The following CNBD1 variants were observed in gnomAD, a reference collection of about 807,000 sequenced individuals.
The protein encoded by CNBD1 is cyclic nucleotide-binding domain-containing protein 1.
CNBD1 carries 71 observed loss-of-function variants against 54.4 expected under a neutral mutation model. That is an observed-to-expected ratio of 1.30 (90% confidence interval 1.08 to 1.59). The LOEUF (loss-of-function observed/expected upper bound fraction) is 1.59. CNBD1 is among the 40% of genes most tolerant of loss of function. The probability of loss-of-function intolerance (pLI) is 0.00; values close to 1 mark genes in which losing one functional copy is unlikely to be tolerated. For synonymous variants in CNBD1, 182 were observed against 170.7 expected (o/e 1.07, Z -0.51); for missense variants, 659 against 518.0 (o/e 1.27, Z -2.64).
chr8:87,078,302 T>C (rs1810917107), intron 4 of CNBD1, among the ~76,000 whole-genome samples: 1 of 152,256 alleles, frequency 6.6e-6, no homozygotes, highest in South Asian at 2.1e-4. Flanking sequence ...TCTGCAATTT[T>C]ACTTTCCTGG....
intron 4 of CNBD1, among the ~76,000 whole-genome samples, chr8:86,948,697 C>A (rs977648605): frequency 6.6e-6 from 1 of 152,086 alleles, no homozygotes. Flanking sequence ...ATATTTTCCC[C>A]CATTCTGTTG....
chr8:87,129,566 C>G (rs566501287), intron 4 of CNBD1, among the ~76,000 whole-genome samples: 1 of 152,050 alleles, frequency 6.6e-6, no homozygotes, highest in South Asian at 2.1e-4. Context: ...TTTAGGTTAT[C>G]TGTTTTCTAT....
chr8:87,378,655 A>G (rs1811002169), intron 10 of CNBD1, among the ~76,000 whole-genome samples: 1 of 149,956 alleles, frequency 6.7e-6, no homozygotes, highest in Non-Finnish European at 1.5e-5. Flanking sequence ...TTGGTTCCAT[A>G]TGAACTTTAA....
At chr8:87,319,385 G>C (rs1342861172) in intron 8 of CNBD1, among the ~76,000 whole-genome samples, 1 of 152,078 alleles carries the variant, frequency 6.6e-6, no homozygotes, top group Non-Finnish European at 1.5e-5. Context: ...GCCTATAGCA[G>C]TAATAAAACC....
chr8:86,962,752 C>G (rs969684247), intron 4 of CNBD1, among the ~76,000 whole-genome samples: 2 of 151,880 alleles, frequency 1.3e-5, no homozygotes, highest in Admixed American at 1.3e-4. Context: ...TGCCACGACA[C>G]TCCAGCCTGG....
rs1404516979 is a variant in CNBD1, at chr8:87,204,183, A to AGAT, written c.432-1808_432-1806dup. Among the ~76,000 whole-genome samples the AGAT allele has an allele frequency of 3.3e-5, 5 of 152,320 alleles. No homozygotes were observed. The East Asian group carries it at 9.7e-4, about 29-fold the overall frequency. On this transcript the variant is annotated intron_variant, in intron 4 of 10. Coordinates refer to ENST00000518476, the MANE Select transcript of CNBD1 (RefSeq NM_173538.3). ...ATAATATTAGGTATTTCAGTGGTAC[A>AGAT]GATGCTTCAAAAACATAACAGAATT...
chr8:87,408,903 ACTCC>A (rs759080584), intron 2 of CNBD1, among the ~76,000 whole-genome samples: 1 of 151,416 alleles, frequency 6.6e-6, no homozygotes, highest in Non-Finnish European at 1.5e-5. Flanking sequence ...ATGTGTTTTG[ACTCC>A]CTCACCAGTT....
rs187713188 is a variant in CNBD1 at position 87,166,593 on chromosome 8, C to T, written c.432-39400C>T. ...TGGCCCAGCTCAGTTTCTCAATGTTCATTATTTCCAAAGTCCAGCCCTTCT... is the reference window on the plus strand; with the variant it reads ...TGGCCCAGCTCAGTTTCTCAATGTTTATTATTTCCAAAGTCCAGCCCTTCT... On this transcript the variant is annotated intron_variant, in intron 4 of 10. Coordinates refer to ENST00000518476, the MANE Select transcript of CNBD1 (RefSeq NM_173538.3). The surrounding 1 kb of genome is among the most constrained non-coding windows in gnomAD (Gnocchi z 4.3). 8.9e-4 allele frequency among the ~76,000 whole-genome samples: 136 copies of T among 152,060 alleles called. No individual in the cohort carries two copies. The highest frequency in any genetic ancestry group is 3.0e-3 in the African/African-American group (125 of 41,520).
chr8:86,957,361 A>G (rs1807805498), intron 4 of CNBD1, among the ~76,000 whole-genome samples: 1 of 152,056 alleles, frequency 6.6e-6, no homozygotes, highest in South Asian at 2.1e-4. Flanking sequence ...GTTAGGGAGG[A>G]TTCCCTCTTT....
intron 4 of CNBD1, among the ~76,000 whole-genome samples, chr8:87,063,703 A>C (rs943378353): frequency 1.3e-5 from 2 of 151,990 alleles, no homozygotes; most frequent in African/African-American, 2.4e-5. Flanking sequence ...ATTTGAGGAA[A>C]ATTGACATAT....
chr8:86,962,066 C>T (rs1807942138), intron 4 of CNBD1, among the ~76,000 whole-genome samples: 1 of 152,164 alleles, frequency 6.6e-6, no homozygotes, highest in Admixed American at 6.5e-5. Flanking sequence ...GAGAGGGATA[C>T]ATCCACTTGT....
At chr8:87,401,713 T>C (rs1310558467) in intron 2 of CNBD1, among the ~76,000 whole-genome samples, 1 of 152,000 alleles carries the variant, frequency 6.6e-6, no homozygotes, top group Non-Finnish European at 1.5e-5. Flanking sequence ...TTTTATTTGG[T>C]AAGATGTTAA....
intron 8 of CNBD1, among the ~76,000 whole-genome samples, chr8:87,323,945 T>C (rs994812165): frequency 7.2e-6 from 1 of 138,914 alleles, no homozygotes; most frequent in African/African-American, 2.7e-5. Flanking sequence ...GGGTTTGCCA[T>C]AGATAGCTCT....
At chr8:87,402,355 T>C (rs1011896116) in intron 2 of CNBD1, among the ~76,000 whole-genome samples, 3 of 152,012 alleles carry the variant, frequency 2.0e-5, no homozygotes, top group Non-Finnish European at 4.4e-5. Flanking sequence ...CAGGAAGCAT[T>C]CTTTTTCACT....
rs1167555584 is a variant in CNBD1 at position 87,325,139 on chromosome 8, C to T, written c.1043-26546C>T. On this transcript the variant is annotated intron_variant, in intron 8 of 10. Coordinates refer to ENST00000518476, the MANE Select transcript of CNBD1 (RefSeq NM_173538.3). The stretch of plus-strand genomic sequence containing the variant: ...TGAGTGAGATTCTTAATCCTGAGTT[C>T]TAGTTTGATTTCACTGTGGTCTGAG... Among the ~76,000 whole-genome samples the T allele has an allele frequency of 7.4e-5, 7 of 95,070 alleles. 2 individuals carry two copies. The highest frequency in any genetic ancestry group is 3.2e-4 in the African/African-American group (5 of 15,632). The allele number at this position is 95,070 out of a possible 152,430, so 62.4% of individuals were successfully genotyped here.
At chr8:87,038,269 T>C (rs1809990915) in intron 4 of CNBD1, among the ~76,000 whole-genome samples, 1 of 152,212 alleles carries the variant, frequency 6.6e-6, no homozygotes, top group South Asian at 2.1e-4. Flanking sequence ...TATAACCTCC[T>C]GATGGCTTCT....
At chr8:87,081,505 G>GT (rs1563460969) in intron 4 of CNBD1, among the ~76,000 whole-genome samples, 3 of 140,332 alleles carry the variant, frequency 2.1e-5, no homozygotes, top group Non-Finnish European at 4.8e-5. Flanking sequence ...TGTTTTTTTT[G>GT]TTTTTGTTTT....
chr8:87,208,065 TCTG>T (rs1237495788), intron 5 of CNBD1, among the ~76,000 whole-genome samples: 4 of 152,204 alleles, frequency 2.6e-5, no homozygotes, highest in African/African-American at 9.6e-5. Context: ...TTTCCCTCCC[TCTG>T]CTATTATTTA....
intron 6 of CNBD1, among the ~76,000 whole-genome samples, chr8:87,243,092 C>A (rs13260751): frequency 0.094 from 14,245 of 152,190 alleles, 864 homozygotes; most frequent in Middle Eastern, 0.14. Context: ...ATATTTCTAA[C>A]CTGTGTTATC....
Sources: allele counts gnomAD v4.1 joint callset (sites outside exome capture counted in the v4.1 genomes callset), GRCh38; gene constraint gnomAD v4.1.1; non-coding constraint Gnocchi (gnomAD v3.1); transcripts MANE v1.5; gene names NCBI Gene and HGNC (gene_info 2026-07-23, HGNC 2026-07-21).